USP34: variants seen among roughly 807,000 people sequenced by gnomAD.
USP34 encodes ubiquitin specific peptidase 34.
USP34 carries 70 observed loss-of-function variants against 460.3 expected under a neutral mutation model. The observed-to-expected ratio is 0.15, with a 90% CI of 0.13 to 0.19. The LOEUF is 0.19. Among genes scored for constraint, USP34 ranks in the 10% least tolerant of loss-of-function variants. The probability of loss-of-function intolerance (pLI) is 1.00; values close to 1 mark genes in which losing one functional copy is unlikely to be tolerated. For missense variants in USP34, 3,985 were observed against 4,236.2 expected (o/e 0.94, Z 1.65); for synonymous variants, 1,647 against 1,405.3 (o/e 1.17, Z -3.85).
chr2:61,292,437 A>G lies in USP34; in HGVS notation c.4548+1027T>C, dbSNP rs188677049. 6.6e-5 allele frequency among the ~76,000 whole-genome samples: 10 copies of G among 152,324 alleles called. No homozygotes were observed. In the East Asian group the frequency reaches 1.2e-3, roughly 18 times the overall value. ...AAAATGTTACTAGTAATACTTCAGG[A>G]AAGTATTCATAATTTCAAGAAAAAC... On this transcript the variant is annotated intron_variant, in intron 33 of 79. Transcript: ENST00000398571.
intron 10 of USP34, among the ~76,000 whole-genome samples, chr2:61,357,088 C>A (rs1692131092): frequency 6.6e-6 from 1 of 152,006 alleles, no homozygotes; most frequent in African/African-American, 2.4e-5. Flanking sequence ...ACACAATAAG[C>A]CAAATAGACC....
chr2:61,350,203 T>C, intron 12 of USP34, 57 bp downstream of exon 12: 1 of 1,523,534 alleles, frequency 6.6e-7, no homozygotes, highest in Admixed American at 2.0e-5. Flanking sequence ...AGAAAATATT[T>C]CAAATCTGAG....
At chr2:61,302,185 A>C (rs1368726889) in intron 27 of USP34, among the ~76,000 whole-genome samples, 2 of 152,212 alleles carry the variant, frequency 1.3e-5, no homozygotes, top group East Asian at 3.8e-4. Flanking sequence ...ATGTCTGATG[A>C]ATAATTTAAA....
At chr2:61,218,839 G>C (rs769354258) in intron 67 of USP34, among the ~76,000 whole-genome samples, 5 of 152,012 alleles carry the variant, frequency 3.3e-5, no homozygotes, top group Non-Finnish European at 7.4e-5. Context: ...CCATATCAAG[G>C]GTACACACTA....
At chr2:61,245,398 G>A (rs899483875) in intron 50 of USP34, 110 bp from the exon 51 acceptor site, 13 of 539,438 alleles carry the variant, frequency 2.4e-5, no homozygotes, top group African/African-American at 4.0e-5. Context: ...TATTTCATGA[G>A]GTAAATTCTA....
chr2:61,333,342 T>A (rs1045978078), intron 19 of USP34, among the ~76,000 whole-genome samples: 2 of 152,082 alleles, frequency 1.3e-5, no homozygotes, highest in African/African-American at 4.8e-5. Flanking sequence ...TGCATAGCAG[T>A]TGAACATAAC....
At chr2:61,246,543 T>C in intron 49 of USP34, 66 bp from the exon 50 acceptor site, 2 of 1,104,524 alleles carry the variant, frequency 1.8e-6, no homozygotes, top group Non-Finnish European at 2.4e-6. Flanking sequence ...AGAAACACTT[T>C]TTAAAATAAA....
At chr2:61,244,456 A>G (rs1256318354) in intron 51 of USP34, among the ~76,000 whole-genome samples, 1 of 152,012 alleles carries the variant, frequency 6.6e-6, no homozygotes, top group African/African-American at 2.4e-5. Flanking sequence ...CTCTACTAAA[A>G]ATACAAAAAT....
chr2:61,301,174 G>GA lies in USP34; in HGVS notation c.3919-15dup, dbSNP rs749310742. On this transcript the variant is annotated splice_polypyrimidine_tract_variant and intron_variant, in intron 28 of 79. Transcript: ENST00000398571. ...TACAAATACCATCTATAAAAAACAG[G>GA]AAAAAAAATTTATGCATATCAAGCT... 72 of 1,574,892 alleles carry GA rather than the reference G, an allele frequency of 4.6e-5. No individual in the cohort carries two copies. Among genetic ancestry groups the GA allele is most frequent in the Non-Finnish European group, 5.8e-5 (67 of 1,165,138 alleles).
At chr2:61,294,867 A>G in intron 32 of USP34, 82 bp downstream of exon 32, 3 of 1,108,190 alleles carry the variant, frequency 2.7e-6, no homozygotes, top group Non-Finnish European at 2.6e-6. Context: ...TTTAAAATCA[A>G]TGAAGAATTA....
chr2:61,435,440 C>A (rs1558592749), intron 1 of USP34, among the ~76,000 whole-genome samples: 1 of 147,420 alleles, frequency 6.8e-6, no homozygotes, highest in Non-Finnish European at 1.5e-5. Context: ...ATGGGATTAA[C>A]AGAGTTAAAG....
rs556859086 is a variant in USP34, at chr2:61,438,199, T to TA, written c.44-17367dup. Among the ~76,000 whole-genome samples the TA allele has an allele frequency of 9.9e-4, 151 of 152,212 alleles. 2 individuals carry two copies. Among genetic ancestry groups the TA allele is most frequent in the East Asian group, 9.8e-3 (51 of 5,190 alleles). On this transcript the variant is annotated intron_variant, in intron 1 of 79. Transcript: ENST00000398571. ...CCAGGAATACAAGGATAATTTAACA[T>TA]ACGCAAATCAATGGATGTCATACAT... is the stretch of plus-strand genomic sequence containing the variant.
intron 67 of USP34, 102 bp downstream of exon 67, chr2:61,220,208 T>C: frequency 1.5e-6 from 1 of 673,660 alleles, no homozygotes; most frequent in Non-Finnish European, 2.2e-6. Flanking sequence ...AAGAATTTCG[T>C]AGTATACAAC....
chr2:61,452,418 G>A (rs1695311720), intron 1 of USP34, among the ~76,000 whole-genome samples: 1 of 146,084 alleles, frequency 6.8e-6, no homozygotes, highest in Non-Finnish European at 1.5e-5. Flanking sequence ...TCGACCTCCG[G>A]GGTTCAAGAG....
chr2:61,277,377 C>G (rs1307782279), intron 41 of USP34, among the ~76,000 whole-genome samples: 2 of 151,896 alleles, frequency 1.3e-5, no homozygotes. Flanking sequence ...GCTGAGACTA[C>G]AGGTGTGTGC....
chr2:61,253,057 A>T lies in USP34; in HGVS notation c.6221+3327T>A, dbSNP rs1054041198. ...ACTGAGGTAAAATGAATAGATTGAG[A>T]AAACCAGAGGTCTGAAAATAGAACA... On this transcript the variant is annotated intron_variant, in intron 48 of 79. Transcript: ENST00000398571. Among the ~76,000 whole-genome samples, 50 of 152,232 alleles carry T rather than the reference A, an allele frequency of 3.3e-4. 1 individual carries two copies. The highest frequency in any genetic ancestry group is 3.2e-3 in the Admixed American group (49 of 15,288).
chr2:61,269,685 C>G (rs1689156088), intron 41 of USP34, among the ~76,000 whole-genome samples: 2 of 152,146 alleles, frequency 1.3e-5, no homozygotes, highest in Non-Finnish European at 2.9e-5. Context: ...GACCAGTGCA[C>G]TCTGCTGGCT....
intron 1 of USP34, among the ~76,000 whole-genome samples, chr2:61,454,576 G>C (rs948095274): frequency 4.6e-5 from 7 of 152,020 alleles, no homozygotes; most frequent in Admixed American, 2.0e-4. Context: ...TTGAGATGGA[G>C]TCTCCCTCTG....
chr2:61,275,320 T>C (rs1450540656), intron 41 of USP34, among the ~76,000 whole-genome samples: 1 of 152,106 alleles, frequency 6.6e-6, no homozygotes, highest in Non-Finnish European at 1.5e-5. Flanking sequence ...TTTTACAAAA[T>C]GAATAGCCAA....
Sources: gnomAD v4.1 joint callset for allele counts (sites outside exome capture counted in the v4.1 genomes callset) on GRCh38, gnomAD v4.1.1 for gene constraint, MANE v1.5 for transcripts, NCBI Gene and HGNC (gene_info 2026-07-23, HGNC 2026-07-21) for gene names.